SIK3: variants seen among roughly 807,000 people sequenced by gnomAD.
SIK3 encodes the protein SIK family kinase 3.
SIK3 carries 28 observed loss-of-function variants against 144.2 expected under a neutral mutation model. The ratio of observed to expected loss-of-function variants is 0.19; its 90% CI spans 0.14 to 0.27. The LOEUF (loss-of-function observed/expected upper bound fraction) is 0.27. SIK3 is among the 10% of genes least tolerant of loss of function. The probability of loss-of-function intolerance (pLI) is 1.00; values close to 1 mark genes in which losing one functional copy is unlikely to be tolerated. For missense variants in SIK3, 1,319 were observed against 1,776.0 expected (o/e 0.74, Z 4.62); for synonymous variants, 686 against 676.3 (o/e 1.01, Z -0.22).
intron 1 of SIK3, among the ~76,000 whole-genome samples, chr11:117,062,437 A>G (rs1413784981): frequency 6.6e-6 from 1 of 152,182 alleles, no homozygotes; most frequent in Non-Finnish European, 1.5e-5. Flanking sequence ...GATCAAACCT[A>G]GTTCCAGTTT....
At chr11:116,852,044 C>A (rs139952838) in intron 21 of SIK3, among the ~76,000 whole-genome samples, 1 of 152,194 alleles carries the variant, frequency 6.6e-6, no homozygotes, top group Non-Finnish European at 1.5e-5. Context: ...CTTTGCTCTC[C>A]GCAAGGACAA....
chr11:117,031,731 C>T (rs990524989), intron 1 of SIK3, among the ~76,000 whole-genome samples: 44 of 115,258 alleles, frequency 3.8e-4, no homozygotes, highest in African/African-American at 4.9e-4. Flanking sequence ...TTAGTAGAGA[C>T]GGGGTTTCAC....
chr11:117,003,994 TG>T (rs1950951901), intron 1 of SIK3, among the ~76,000 whole-genome samples: 1 of 152,102 alleles, frequency 6.6e-6, no homozygotes, highest in Admixed American at 6.6e-5. Flanking sequence ...ATGGAGAATA[TG>T]GGGAAAAAAG....
intron 15 of SIK3, among the ~76,000 whole-genome samples, chr11:116,866,435 A>G (rs1943641959): frequency 6.6e-6 from 1 of 152,096 alleles, no homozygotes; most frequent in African/African-American, 2.4e-5. Flanking sequence ...AATCACTCAA[A>G]GTGCTCTTTA....
At chr11:116,958,368 C>T (rs973595559) in intron 1 of SIK3, among the ~76,000 whole-genome samples, 2 of 152,136 alleles carry the variant, frequency 1.3e-5, no homozygotes, top group Non-Finnish European at 2.9e-5. Context: ...GGGAGAAAGG[C>T]ACAGGGAGAT....
At chr11:116,850,558 T>C (rs759915039) in intron 21 of SIK3, among the ~76,000 whole-genome samples, 1 of 152,272 alleles carries the variant, frequency 6.6e-6, no homozygotes. Flanking sequence ...TTGTCTCTGA[T>C]TGCTCTAACA....
At chr11:116,909,381 T>C (rs548223852) in intron 4 of SIK3, among the ~76,000 whole-genome samples, 1 of 152,084 alleles carries the variant, frequency 6.6e-6, no homozygotes, top group East Asian at 1.9e-4. Flanking sequence ...CAAAAAAAAT[T>C]TTTTTTCTCT....
rs1946742140 is a variant in SIK3 at position 116,917,832 on chromosome 11, A to AAAGGAAAGGAAAGGAAAGGAAAGG, written c.616+9363_616+9386dup. On this transcript the variant is annotated intron_variant, in intron 4 of 24. Coordinates refer to ENST00000445177, the MANE Select transcript of SIK3 (RefSeq NM_001366686.3). Reference sequence around the variant, plus strand: ...AGGAAAGAAGGAAGAAGAAGGAAGGAAAGGAAAGGAAAGGAAAGGAAAGGA... The same window carrying AAAGGAAAGGAAAGGAAAGGAAAGG: ...AGGAAAGAAGGAAGAAGAAGGAAGGAAAGGAAAGGAAAGGAAAGGAAAGGAAGGAAAGGAAAGGAAAGGAAAGGA... Among the ~76,000 whole-genome samples, 2 of 147,098 alleles carry AAAGGAAAGGAAAGGAAAGGAAAGG rather than the reference A, an allele frequency of 1.4e-5. 1 individual carries two copies. Among genetic ancestry groups the AAAGGAAAGGAAAGGAAAGGAAAGG allele is most frequent in the Admixed American group, 1.4e-4 (2 of 14,680 alleles).
chr11:116,990,357 G>T (rs1270830232), intron 1 of SIK3, among the ~76,000 whole-genome samples: 1 of 152,156 alleles, frequency 6.6e-6, no homozygotes, highest in Non-Finnish European at 1.5e-5. Flanking sequence ...TTCAAAGAAT[G>T]AACTTCTTTT....
intron 1 of SIK3, among the ~76,000 whole-genome samples, chr11:116,989,262 C>T (rs531278610): frequency 6.6e-6 from 1 of 152,018 alleles, no homozygotes; most frequent in Non-Finnish European, 1.5e-5. Flanking sequence ...GTTCTCTATT[C>T]GCTTTTTAAA....
At position 116,859,475 on chromosome 11, in the gene SIK3, G is replaced by T; in HGVS notation, c.2555C>A (p.Ser852Ter). 1 of 1,614,222 alleles carries T rather than the reference G, an allele frequency of 6.2e-7. No individual in the cohort carries two copies. The highest frequency in any genetic ancestry group is 1.1e-5 in the South Asian group (1 of 91,074). ...TTGGACTTGGATGGTGACCTGCTGT[G>T]ACTGAGCAGGCTGCTGCATACCCAA... ...TCLGMQQPAQ[S>*]QQVTIQVQEP... is the part of the protein sequence containing the mutation. Residue 852 changes from serine to a stop codon, truncating the protein, a stop_gained, in exon 20 of 25, where the codon TCA (serine) becomes TAA (stop). Transcript: ENST00000445177. LOFTEE classifies it high-confidence loss of function.
chr11:116,940,712 T>C (rs1453535714), intron 3 of SIK3, among the ~76,000 whole-genome samples: 2 of 151,568 alleles, frequency 1.3e-5, no homozygotes, highest in Admixed American at 1.3e-4. Flanking sequence ...ATATAAATGC[T>C]GGTCACAGAC....
In SIK3 at chr11:116,873,975, G is replaced by A. The variant is rs947859612; in HGVS notation, c.1509C>T (p.Ala503=). ...GGTTGTGCATGAAGTTCACATTAGG[G>A]GCCACCTGCAGGAATGGAGCCTGGG... ...VNPQAPFLQV[A]PNVNFMHNLL... Residue 503 remains alanine (A), a synonymous_variant, in exon 12 of 25, where the codon GCC becomes GCT. Coordinates refer to ENST00000445177, the MANE Select transcript of SIK3 (RefSeq NM_001366686.3). The A allele has an allele frequency of 6.2e-7, 1 of 1,614,038 alleles. No individual in the cohort carries two copies. The highest frequency in any genetic ancestry group is 2.2e-5 in the East Asian group (1 of 44,882).
At chr11:116,916,891 G>C (rs932255843) in intron 4 of SIK3, among the ~76,000 whole-genome samples, 3 of 151,890 alleles carry the variant, frequency 2.0e-5, no homozygotes, top group Admixed American at 2.0e-4. Flanking sequence ...GATCACTTGA[G>C]CTCAGGAGTT....
chr11:116,867,520 G>A lies in SIK3; in HGVS notation c.1952+426C>T, dbSNP rs768944557. Among the ~76,000 whole-genome samples the A allele has an allele frequency of 2.6e-5, 4 of 152,146 alleles. No homozygotes were observed. The highest frequency in any genetic ancestry group is 1.9e-4 in the East Asian group (1 of 5,194). On this transcript the variant is annotated intron_variant, in intron 15 of 24. Coordinates refer to ENST00000445177, the MANE Select transcript of SIK3 (RefSeq NM_001366686.3). The surrounding 1 kb of genome is among the most constrained non-coding windows in gnomAD (Gnocchi z 4.1). ...GCTTTGTCTTCATTTCCAGGCTGGCGGTTCAATGGTAACACGATATGAAAT... is the reference window on the plus strand; with the variant it reads ...GCTTTGTCTTCATTTCCAGGCTGGCAGTTCAATGGTAACACGATATGAAAT...
At chr11:116,879,103 G>T (rs548110782) in intron 6 of SIK3, among the ~76,000 whole-genome samples, 1 of 152,128 alleles carries the variant, frequency 6.6e-6, no homozygotes, top group Non-Finnish European at 1.5e-5. Context: ...AGACACTTAG[G>T]AGCTGCATAA....
intron 1 of SIK3, among the ~76,000 whole-genome samples, chr11:117,068,322 C>T (rs1954107785): frequency 6.6e-6 from 1 of 152,082 alleles, no homozygotes; most frequent in South Asian, 2.1e-4. Context: ...TCTTCTGTTC[C>T]CCAATCCAAA....
intron 1 of SIK3, among the ~76,000 whole-genome samples, chr11:117,003,001 T>C (rs1455885166): frequency 6.6e-6 from 1 of 152,240 alleles, no homozygotes. Flanking sequence ...GCAGTCAGTG[T>C]TCTGCCTTAA....
Position 116,873,525 on chromosome 11 carries a change from G to A in SIK3, c.1693C>T (p.Leu565=). 5.6e-6 allele frequency: 9 copies of A among 1,613,638 alleles called. No individual in the cohort carries two copies. The highest frequency in any genetic ancestry group is 7.6e-6 in the Non-Finnish European group (9 of 1,179,838). The change falls in exon 13 of 25, where the codon CTG becomes TTG. Residue 565 remains leucine, a synonymous_variant. Transcript: ENST00000445177. ...GGAGAGGGTCCCCGTGGGCGCTTCA[G>A]CAGCTGCTGGGCATGCAGTTGGATG... is the stretch of plus-strand genomic sequence containing the variant. ...ANIQLHAQQL[L]KRPRGPSPLV...
Sources: allele counts gnomAD v4.1 joint callset (sites outside exome capture counted in the v4.1 genomes callset), GRCh38; gene constraint gnomAD v4.1.1; non-coding constraint Gnocchi (gnomAD v3.1); transcripts MANE v1.5; gene names NCBI Gene and HGNC (gene_info 2026-07-23, HGNC 2026-07-21).